Variants in LPP observed in about 807,000 individuals in gnomAD.
LPP encodes LIM domain containing preferred translocation partner in lipoma, also known as lipoma-preferred partner.
In LPP, 38 loss-of-function variants were observed where a neutral mutation model predicts 60.4. That is an observed-to-expected ratio of 0.63 (90% CI 0.49 to 0.83). LPP has a LOEUF of 0.83. LPP is among the 40% of genes least tolerant of loss of function. The probability of loss-of-function intolerance (pLI) is 0.00; values close to 1 mark genes in which losing one functional copy is unlikely to be tolerated. For missense variants in LPP, 902 were observed against 783.6 expected, an observed-to-expected ratio of 1.15 and a Z score of -1.80; for synonymous variants, 328 against 290.8, an observed-to-expected ratio of 1.13 and a Z score of -1.30.
Position 188,422,149 on chromosome 3 carries a change from G to C in LPP, c.193+15836G>C, listed in dbSNP as rs1309701644. Among the ~76,000 whole-genome samples, 3 of 152,078 alleles carry C rather than the reference G, an allele frequency of 2.0e-5. No individual in the cohort carries two copies. The East Asian group carries it at 5.8e-4, about 29-fold the overall frequency. On this transcript the variant is annotated intron_variant, in intron 4 of 11. Coordinates refer to ENST00000617246, the MANE Select transcript of LPP (RefSeq NM_001375462.1). ...CCCATTTACCTTTCTCTTCCTCTAG[G>C]TCTCTGAAGAGTAGAGGTGGATCTT...
intron 4 of LPP, among the ~76,000 whole-genome samples, chr3:188,419,843 C>CA (rs1787308553): frequency 6.6e-6 from 1 of 152,096 alleles, no homozygotes; most frequent in Non-Finnish European, 1.5e-5. Context: ...TAAGCCACTG[C>CA]ATTCCATTCC....
chr3:188,153,057 T>G (rs1370585506), upstream of LPP: 1 of 152,170 alleles, frequency 6.6e-6, no homozygotes, highest in Non-Finnish European at 1.5e-5. Context: ...CAACTGATTG[T>G]CATTGATATT....
At chr3:188,249,207 G>A (rs1368721058) in intron 2 of LPP, among the ~76,000 whole-genome samples, 1 of 152,086 alleles carries the variant, frequency 6.6e-6, no homozygotes, top group African/African-American at 2.4e-5. Flanking sequence ...GAGTGGAGTG[G>A]TCAACACAGC....
chr3:188,333,549 G>A (rs1056999913), intron 2 of LPP, among the ~76,000 whole-genome samples: 10 of 152,098 alleles, frequency 6.6e-5, no homozygotes, highest in African/African-American at 1.9e-4. Context: ...TTGAGTGACC[G>A]GATTGGCTAC....
rs144178235 is a variant in LPP at position 188,621,155 on chromosome 3, C to T, written c.1113+11311C>T. Reference sequence around the variant, plus strand: ...ATTTTATTCCAAAAAAAAAAAGAGTCGTTTATGTGGGCTTAAATAGCTGTG... The same window carrying T: ...ATTTTATTCCAAAAAAAAAAAGAGTTGTTTATGTGGGCTTAAATAGCTGTG... On this transcript the variant is annotated intron_variant, in intron 7 of 11. Transcript: ENST00000617246. Among the ~76,000 whole-genome samples the T allele has an allele frequency of 7.4e-3, 1,122 of 151,002 alleles. 12 individuals carry two copies. The highest frequency in any genetic ancestry group is 0.025 in the African/African-American group (1,050 of 41,260).
chr3:188,335,893 C>A (rs1482658772), intron 2 of LPP, among the ~76,000 whole-genome samples: 2 of 152,100 alleles, frequency 1.3e-5, no homozygotes, highest in African/African-American at 4.8e-5. Context: ...AAAAAGACTT[C>A]CGCTTGCAAT....
intron 2 of LPP, among the ~76,000 whole-genome samples, chr3:188,306,426 T>G (rs1751565194): frequency 6.6e-6 from 1 of 152,088 alleles, no homozygotes; most frequent in South Asian, 2.1e-4. Context: ...CACAGAATTG[T>G]GGGATGAATG....
intron 1 of LPP, among the ~76,000 whole-genome samples, chr3:188,210,836 A>G (rs748916263): frequency 2.0e-5 from 3 of 152,142 alleles, no homozygotes; most frequent in Non-Finnish European, 4.4e-5. Context: ...AGCTCCTGAC[A>G]GAATGAAGAC....
intron 9 of LPP, among the ~76,000 whole-genome samples, chr3:188,856,655 C>T (rs1358074842): frequency 2.0e-5 from 3 of 152,156 alleles, no homozygotes; most frequent in Admixed American, 2.0e-4. Flanking sequence ...AAAATTGACA[C>T]CCATGTAGCT....
intron 1 of LPP, among the ~76,000 whole-genome samples, chr3:188,205,710 G>C (rs141547860): frequency 6.6e-6 from 1 of 152,320 alleles, no homozygotes; most frequent in East Asian, 1.9e-4. Flanking sequence ...GTACATGTCA[G>C]ACCTTGGAAT....
At chr3:188,279,575 A>G (rs1004650405) in intron 2 of LPP, among the ~76,000 whole-genome samples, 20 of 152,362 alleles carry the variant, frequency 1.3e-4, no homozygotes, top group African/African-American at 4.6e-4. Flanking sequence ...CTCATTCACT[A>G]TAAAAGTAAG....
chr3:188,368,956 A>G (rs1227107811), intron 3 of LPP, among the ~76,000 whole-genome samples: 1 of 152,182 alleles, frequency 6.6e-6, no homozygotes, highest in Non-Finnish European at 1.5e-5. Context: ...GTCTTATTTC[A>G]GGCAGACAGA....
intron 2 of LPP, among the ~76,000 whole-genome samples, chr3:188,287,185 G>A (rs1744219617): frequency 6.6e-6 from 1 of 152,266 alleles, no homozygotes; most frequent in African/African-American, 2.4e-5. Context: ...ACAGGCGTGA[G>A]CCACTGCGCC....
intron 6 of LPP, among the ~76,000 whole-genome samples, chr3:188,562,862 G>A (rs139951797): frequency 3.2e-4 from 49 of 152,174 alleles, no homozygotes; most frequent in Non-Finnish European, 5.4e-4. Flanking sequence ...TTCAAAGGGA[G>A]AAGTTGAAAA....
intron 9 of LPP, among the ~76,000 whole-genome samples, chr3:188,856,061 G>A (rs908306558): frequency 6.6e-6 from 1 of 152,140 alleles, no homozygotes; most frequent in Non-Finnish European, 1.5e-5. Flanking sequence ...TTAAGATGGG[G>A]CTTCACAGGC....
chr3:188,520,298 C>T (rs1818514444), intron 5 of LPP, among the ~76,000 whole-genome samples: 1 of 152,226 alleles, frequency 6.6e-6, no homozygotes, highest in Non-Finnish European at 1.5e-5. Context: ...CTTCCCCTCC[C>T]ACCTTCGTGT....
intron 6 of LPP, among the ~76,000 whole-genome samples, chr3:188,552,432 A>G (rs1354635853): frequency 6.6e-6 from 1 of 152,214 alleles, no homozygotes; most frequent in South Asian, 2.1e-4. Context: ...GAGTGGGCCT[A>G]GTCTACAGAT....
At chr3:188,619,582 A>G (rs746184975) in intron 7 of LPP, among the ~76,000 whole-genome samples, 19 of 152,326 alleles carry the variant, frequency 1.2e-4, no homozygotes, top group African/African-American at 3.6e-4. Context: ...GCTTCATTCC[A>G]TATTATCAAT....
intron 6 of LPP, among the ~76,000 whole-genome samples, chr3:188,530,104 A>G (rs1302396399): frequency 6.6e-6 from 1 of 152,234 alleles, no homozygotes; most frequent in Non-Finnish European, 1.5e-5. Flanking sequence ...TATTTGAAGA[A>G]TAAGTTTGTC....
Sources: allele counts gnomAD v4.1 joint callset (sites outside exome capture counted in the v4.1 genomes callset), GRCh38; gene constraint gnomAD v4.1.1; transcripts MANE v1.5; gene names NCBI Gene and HGNC (gene_info 2026-07-23, HGNC 2026-07-21).